ALKBH8: variants seen among roughly 807,000 people sequenced by gnomAD.
ALKBH8 encodes alkB homolog 8, tRNA methyltransferase.
A neutral mutation model predicts 59.8 loss-of-function variants in ALKBH8; 36 were observed. The ratio of observed to expected loss-of-function variants is 0.60; its 90% CI spans 0.46 to 0.79. The LOEUF is 0.79. Ranked by LOEUF, ALKBH8 falls within the 30% of genes least tolerant of loss-of-function variation. The pLI is 0.00. For missense variants in ALKBH8, 768 were observed against 801.0 expected, an observed-to-expected ratio of 0.96 and a Z score of 0.50; for synonymous variants, 276 against 273.6, an observed-to-expected ratio of 1.01 and a Z score of -0.09.
chr11:107,521,801 C>T (rs780684136), intron 10 of ALKBH8, among the ~76,000 whole-genome samples: 24 of 151,968 alleles, frequency 1.6e-4, no homozygotes, highest in Non-Finnish European at 2.2e-4. Context: ...CAGTAAGATA[C>T]CAATAAATAG....
chr11:107,512,588 C>T (rs1019232055), intron 10 of ALKBH8, among the ~76,000 whole-genome samples: 1 of 152,176 alleles, frequency 6.6e-6, no homozygotes, highest in Non-Finnish European at 1.5e-5. Context: ...GCTGGGATTA[C>T]AGGCATGAAC....
rs1159329350 is a variant in ALKBH8, at chr11:107,525,481, T to C, written c.990A>G (p.Ser330=). Residue 330 remains serine, a synonymous_variant, in exon 9 of 12, where the codon TCA becomes TCG. Coordinates refer to ENST00000428149, the MANE Select transcript of ALKBH8 (RefSeq NM_138775.3). ...TTTGCCTCACTTTCCTAAATGTAAA[T>C]GATGTTCGTAGTCCCCTCTTGCTTA... ...LTLSKRGLRT[S]FTFRKVRQTP... 6 of 1,545,668 alleles carry C rather than the reference T, an allele frequency of 3.9e-6. No individual in the cohort carries two copies. The highest frequency in any genetic ancestry group is 4.0e-5 in the Admixed American group (2 of 49,788).
intron 7 of ALKBH8, among the ~76,000 whole-genome samples, chr11:107,542,988 A>G (rs1329210689): frequency 6.6e-6 from 1 of 152,188 alleles, no homozygotes; most frequent in African/African-American, 2.4e-5. Context: ...ACCCAGAAAG[A>G]GCAAAGATTT....
intron 3 of ALKBH8, among the ~76,000 whole-genome samples, chr11:107,556,523 A>C (rs953826175): frequency 6.6e-6 from 1 of 152,202 alleles, no homozygotes; most frequent in African/African-American, 2.4e-5. Flanking sequence ...TGCCTAATAA[A>C]TATATTGTTG....
At position 107,504,956 on chromosome 11, in the gene ALKBH8, C is replaced by T; in HGVS notation, c.1697G>A (p.Gly566Glu). The T allele has an allele frequency of 1.3e-6, 2 of 1,551,862 alleles. No homozygotes were observed. Among genetic ancestry groups the T allele is most frequent in the South Asian group, 1.2e-5 (1 of 84,046 alleles). The change falls in exon 12 of 12, where the codon GGA (glycine) becomes GAA (glutamate). Residue 566 changes from glycine (G) to glutamate (E), a missense_variant. Coordinates refer to ENST00000428149, the MANE Select transcript of ALKBH8 (RefSeq NM_138775.3). ...AGAAACTTGCCTTGAATTACATCCT[C>T]CTTCCTGAGAGTCATTAATGCGGGG... Reference protein sequence around the residue: ...SVPRINDSQEGGCNSRQVSNS... With the variant: ...SVPRINDSQEEGCNSRQVSNS...
chr11:107,522,625 ATG>A, intron 9 of ALKBH8, 70 bp from the exon 10 acceptor site: 1 of 1,449,796 alleles, frequency 6.9e-7, no homozygotes, highest in Non-Finnish European at 9.1e-7. Context: ...GTTTTCTTAA[ATG>A]AAAAAAAAAA....
intron 7 of ALKBH8, among the ~76,000 whole-genome samples, chr11:107,536,128 G>A (rs1403198604): frequency 6.6e-6 from 1 of 152,214 alleles, no homozygotes. Flanking sequence ...ACGCCAAGCT[G>A]TAACTAATCC....
At chr11:107,518,024 A>C (rs892374007) in intron 10 of ALKBH8, among the ~76,000 whole-genome samples, 1 of 152,184 alleles carries the variant, frequency 6.6e-6, no homozygotes, top group Non-Finnish European at 1.5e-5. Context: ...CAATAAATAC[A>C]CATAATTTCA....
At chr11:107,506,489 GAA>G (rs1862392033) in intron 11 of ALKBH8, among the ~76,000 whole-genome samples, 2 of 151,800 alleles carry the variant, frequency 1.3e-5, no homozygotes, top group African/African-American at 4.8e-5. Context: ...AAAACCAGAG[GAA>G]AAGATCAAGA....
rs187092724 is a variant in ALKBH8, at chr11:107,504,467, C to T, written c.*191G>A. ...CTAGGGAAGTAGGAGGAGCCAACACCACATCTGTGATGTCAGCCAACAGGA... is the reference window on the plus strand; with the variant it reads ...CTAGGGAAGTAGGAGGAGCCAACACTACATCTGTGATGTCAGCCAACAGGA... On this transcript the variant is annotated 3_prime_UTR_variant, in exon 12 of 12. Coordinates refer to ENST00000428149, the MANE Select transcript of ALKBH8 (RefSeq NM_138775.3). The T allele has an allele frequency of 2.8e-6, 2 of 726,512 alleles. No individual in the cohort carries two copies. The highest frequency in any genetic ancestry group is 4.8e-6 in the Non-Finnish European group (2 of 418,454). 45.0% of individuals were successfully genotyped at this position (726,512 alleles called of 1,614,324 possible).
chr11:107,564,471 G>A (rs562856339), intron 1 of ALKBH8, among the ~76,000 whole-genome samples: 1 of 152,108 alleles, frequency 6.6e-6, no homozygotes, highest in Admixed American at 6.5e-5. Context: ...TTTAACGTAC[G>A]GCACTGGTAT....
chr11:107,542,398 T>C (rs759690753), intron 7 of ALKBH8, among the ~76,000 whole-genome samples: 5 of 152,122 alleles, frequency 3.3e-5, no homozygotes, highest in Non-Finnish European at 5.9e-5. Context: ...AAATCTTTAG[T>C]GCATGAGGAA....
chr11:107,504,253 TCAGA>T lies in ALKBH8; in HGVS notation c.*401_*404del, dbSNP rs1862284384. On this transcript the variant is annotated 3_prime_UTR_variant, in exon 12 of 12. Transcript: ENST00000428149. ...AGAGCTAAAAATCATAGGTAAAACT[TCAGA>T]CAATTTTCTATTGACCAGGACTATT... 2 of 449,268 alleles carry T rather than the reference TCAGA, an allele frequency of 4.5e-6. No homozygotes were observed. The highest frequency in any genetic ancestry group is 7.8e-6 in the Non-Finnish European group (2 of 257,738). The allele number at this position is 449,268 out of a possible 1,614,324, so 27.8% of individuals were successfully genotyped here. A position where few individuals can be genotyped will look rare whatever the true frequency, so the allele number is the denominator to read the frequency against.
chr11:107,521,550 C>G (rs562381970), intron 10 of ALKBH8, among the ~76,000 whole-genome samples: 1 of 152,032 alleles, frequency 6.6e-6, no homozygotes, highest in African/African-American at 2.4e-5. Context: ...CCTAAATCCC[C>G]TAATCTAGAG....
chr11:107,564,890 A>G (rs752039405), intron 1 of ALKBH8, among the ~76,000 whole-genome samples: 3 of 152,086 alleles, frequency 2.0e-5, no homozygotes, highest in Non-Finnish European at 4.4e-5. Context: ...CTCAATAACC[A>G]TTTGTCGAAT....
At chr11:107,518,804 G>A (rs995613080) in intron 10 of ALKBH8, among the ~76,000 whole-genome samples, 6 of 20,648 alleles carry the variant, frequency 2.9e-4, no homozygotes, top group African/African-American at 7.2e-4. Flanking sequence ...TAATAAATAC[G>A]TGGGTAAATC....
intron 7 of ALKBH8, among the ~76,000 whole-genome samples, chr11:107,534,468 G>A (rs1863727275): frequency 6.6e-6 from 1 of 152,148 alleles, no homozygotes; most frequent in South Asian, 2.1e-4. Flanking sequence ...TATCCACCTA[G>A]AAGTTACACT....
intron 1 of ALKBH8, among the ~76,000 whole-genome samples, chr11:107,562,297 C>CAA (rs11411393): frequency 0.025 from 3,143 of 127,250 alleles, 138 homozygotes; most frequent in African/African-American, 0.081. Context: ...AATTCCATCT[C>CAA]AAAAAAAAAA....
At chr11:107,522,116 A>G (rs979188380) in intron 10 of ALKBH8, among the ~76,000 whole-genome samples, 183 bp downstream of exon 10, 3 of 152,302 alleles carry the variant, frequency 2.0e-5, no homozygotes, top group Admixed American at 1.3e-4. Flanking sequence ...AAATTATATA[A>G]TGATGGTGTG....
Sources: allele counts gnomAD v4.1 joint callset (sites outside exome capture counted in the v4.1 genomes callset), GRCh38; gene constraint gnomAD v4.1.1; transcripts MANE v1.5; gene names NCBI Gene and HGNC (gene_info 2026-07-23, HGNC 2026-07-21).